ABL1: variants seen among roughly 807,000 people sequenced by gnomAD.
ABL1 encodes ABL proto-oncogene 1, non-receptor tyrosine kinase, also known as tyrosine-protein kinase ABL1.
ABL1 carries 11 observed loss-of-function variants against 94.7 expected under a neutral mutation model. The observed-to-expected ratio is 0.12, with a 90% CI of 0.07 to 0.19. The LOEUF (loss-of-function observed/expected upper bound fraction) is 0.19, where lower values mean the gene tolerates loss of function less well. ABL1 is among the 10% of genes least tolerant of loss of function. The pLI, the probability that ABL1 is intolerant of heterozygous loss-of-function variation, is 1.00. For missense variants in ABL1, 1,082 were observed against 1,489.4 expected (o/e 0.73, Z 4.50); for synonymous variants, 656 against 622.4 (o/e 1.05, Z -0.80).
At chr9:130,721,817 T>TG (rs920670495) in intron 1 of ABL1, among the ~76,000 whole-genome samples, 3 of 128,400 alleles carry the variant, frequency 2.3e-5, no homozygotes, top group African/African-American at 8.6e-5. Flanking sequence ...GTCAGGTTTT[T>TG]TTTTGTTTTT....
chr9:130,861,239 C>T (rs950069235), intron 3 of ABL1, among the ~76,000 whole-genome samples: 9 of 152,182 alleles, frequency 5.9e-5, no homozygotes, highest in African/African-American at 1.4e-4. Flanking sequence ...ACAAGTTTTG[C>T]GTTTCTCAGA....
intron 1 of ABL1, among the ~76,000 whole-genome samples, chr9:130,773,788 A>G (rs1023045905): frequency 6.6e-6 from 1 of 152,012 alleles, no homozygotes; most frequent in African/African-American, 2.4e-5. Flanking sequence ...GCTCCCCAAT[A>G]GTTTTATTGA....
At chr9:130,735,522 C>T (rs1265864525) in intron 1 of ABL1, among the ~76,000 whole-genome samples, 1 of 151,376 alleles carries the variant, frequency 6.6e-6, no homozygotes, top group Non-Finnish European at 1.5e-5. Context: ...CAAATACAAG[C>T]AAATATATAT....
intron 1 of ABL1, among the ~76,000 whole-genome samples, chr9:130,764,715 T>C (rs981400624): frequency 3.9e-5 from 6 of 152,210 alleles, no homozygotes; most frequent in Admixed American, 2.0e-4. Context: ...CCCAGCACTT[T>C]GGGAGGCCAG....
chr9:130,748,595 A>C (rs1185647610), intron 1 of ABL1, among the ~76,000 whole-genome samples: 1 of 142,866 alleles, frequency 7.0e-6, no homozygotes, highest in Non-Finnish European at 1.5e-5. Flanking sequence ...TTTTTTTTTG[A>C]GACGGAGTCT....
chr9:130,735,959 A>ATG (rs1168330887), intron 1 of ABL1, among the ~76,000 whole-genome samples: 1 of 81,764 alleles, frequency 1.2e-5, no homozygotes, highest in Admixed American at 1.5e-4. Flanking sequence ...ATATATATAT[A>ATG]TATTTTTTTT....
intron 1 of ABL1, among the ~76,000 whole-genome samples, chr9:130,748,399 A>C (rs36113260): frequency 8.7e-4 from 132 of 152,140 alleles, no homozygotes; most frequent in African/African-American, 3.2e-3. Context: ...ATAAGAGTTG[A>C]ATGTTGTATC....
chr9:130,850,546 G>T (rs1157490656), intron 1 of ABL1, among the ~76,000 whole-genome samples: 1 of 152,150 alleles, frequency 6.6e-6, no homozygotes, highest in Non-Finnish European at 1.5e-5. Context: ...TCACTCTGTT[G>T]CCCAGGCTGG....
At chr9:130,881,964 G>A (rs559604313) in intron 10 of ABL1, among the ~76,000 whole-genome samples, 8 of 151,948 alleles carry the variant, frequency 5.3e-5, no homozygotes, top group Non-Finnish European at 7.4e-5. Context: ...AGTAGAGTGC[G>A]TATGTTATGT....
At chr9:130,760,935 C>G (rs983830044) in intron 1 of ABL1, among the ~76,000 whole-genome samples, 12 of 147,674 alleles carry the variant, frequency 8.1e-5, no homozygotes, top group East Asian at 4.0e-4. Context: ...TTTCCTCCCC[C>G]GCCCCTGCTT....
chr9:130,803,165 G>C (rs1312007892), intron 1 of ABL1, among the ~76,000 whole-genome samples: 3 of 152,078 alleles, frequency 2.0e-5, no homozygotes, highest in African/African-American at 4.8e-5. Context: ...TCAGCCTCCT[G>C]AGTAGCTGGG....
At chr9:130,879,618 C>T (rs916835345) in intron 8 of ABL1, among the ~76,000 whole-genome samples, 1 of 152,180 alleles carries the variant, frequency 6.6e-6, no homozygotes, top group African/African-American at 2.4e-5. Context: ...TCCAGTCAGA[C>T]GCATATGGGA....
intron 1 of ABL1, among the ~76,000 whole-genome samples, chr9:130,795,457 C>G (rs965969018): frequency 1.3e-5 from 2 of 152,166 alleles, no homozygotes; most frequent in Non-Finnish European, 2.9e-5. Context: ...GAAACTTCTG[C>G]TTGAAGTCAT....
chr9:130,762,839 A>C (rs1832133134), intron 1 of ABL1, among the ~76,000 whole-genome samples: 1 of 148,024 alleles, frequency 6.8e-6, no homozygotes, highest in Non-Finnish European at 1.5e-5. Flanking sequence ...TGAACCCGGG[A>C]GGTGCAGCTT....
intron 1 of ABL1, among the ~76,000 whole-genome samples, chr9:130,785,928 TAAAAAAAAAA>T (rs34333699): frequency 1.8e-5 from 1 of 56,658 alleles, no homozygotes; most frequent in Admixed American, 2.2e-4. Context: ...GTCTCAAAAC[TAAAAAAAAAA>T]AAAAAAAAAA....
At chr9:130,847,291 A>G (rs1465950365) in intron 1 of ABL1, among the ~76,000 whole-genome samples, 1 of 152,208 alleles carries the variant, frequency 6.6e-6, no homozygotes, top group East Asian at 1.9e-4. Flanking sequence ...TAAGAATAAT[A>G]GCAGATGCTA....
rs548230576 is a variant in ABL1, at chr9:130,887,428, C to T, written c.*1745C>T. ...TGTCTCCATGAGGTACTGGTCCCTT[C>T]CTTTTGTTAACGTGATGTGCCACTA... is the stretch of plus-strand genomic sequence containing the variant. On this transcript the variant is annotated 3_prime_UTR_variant, in exon 11 of 11. Transcript: ENST00000318560. The T allele has an allele frequency of 4.7e-4, 110 of 233,458 alleles. No homozygotes were observed. In the Middle Eastern group the frequency reaches 5.1e-3, roughly 11 times the overall value. The allele number at this position is 233,458 out of a possible 1,614,324, so 14.5% of individuals were successfully genotyped here. A position where few individuals can be genotyped will look rare whatever the true frequency, so the allele number is the denominator to read the frequency against.
chr9:130,807,485 C>G (rs1830141335), intron 1 of ABL1, among the ~76,000 whole-genome samples: 1 of 151,872 alleles, frequency 6.6e-6, no homozygotes, highest in Non-Finnish European at 1.5e-5. Flanking sequence ...AGTGATCTGC[C>G]CGCCGTGGCC....
At chr9:130,787,041 A>G (rs1176927289) in intron 1 of ABL1, among the ~76,000 whole-genome samples, 1 of 152,138 alleles carries the variant, frequency 6.6e-6, no homozygotes, top group Non-Finnish European at 1.5e-5. Flanking sequence ...GTTTCTCCTT[A>G]GGCTCTGCAA....
Sources: allele counts gnomAD v4.1 joint callset (sites outside exome capture counted in the v4.1 genomes callset), GRCh38; gene constraint gnomAD v4.1.1; transcripts MANE v1.5; gene names NCBI Gene and HGNC (gene_info 2026-07-23, HGNC 2026-07-21).